Variants in CNTNAP2 observed in about 807,000 individuals in gnomAD.
CNTNAP2 encodes contactin associated protein 2, also known as contactin-associated protein-like 2.
In CNTNAP2, 98 loss-of-function variants were observed where a neutral mutation model predicts 155.2. The ratio of observed to expected loss-of-function variants is 0.63; its 90% confidence interval spans 0.54 to 0.75. CNTNAP2 has a LOEUF of 0.75. CNTNAP2 is among the 30% of genes least tolerant of loss of function. CNTNAP2 has a pLI of 0.00. For synonymous variants in CNTNAP2, 651 were observed against 631.2 expected, an observed-to-expected ratio of 1.03 and a Z score of -0.47; for missense variants, 1,727 against 1,688.1, an observed-to-expected ratio of 1.02 and a Z score of -0.40.
At chr7:146,728,706 C>T (rs965647772) in intron 1 of CNTNAP2, among the ~76,000 whole-genome samples, 1 of 151,736 alleles carries the variant, frequency 6.6e-6, no homozygotes, top group African/African-American at 2.4e-5. Flanking sequence ...GTCTGTTCTT[C>T]GAGTTGAATA....
chr7:147,116,394 G>C (rs1333348463), intron 5 of CNTNAP2, among the ~76,000 whole-genome samples: 8 of 152,170 alleles, frequency 5.3e-5, no homozygotes, highest in Non-Finnish European at 8.8e-5. Context: ...ATCGGTTTGG[G>C]CTCTCCAAGG....
chr7:147,215,934 G>A (rs1347358535), intron 8 of CNTNAP2, among the ~76,000 whole-genome samples: 1 of 152,092 alleles, frequency 6.6e-6, no homozygotes, highest in Non-Finnish European at 1.5e-5. Context: ...GTTCCCTGAT[G>A]ACATATGATG....
At chr7:146,663,049 G>A (rs939167121) in intron 1 of CNTNAP2, among the ~76,000 whole-genome samples, 15 of 152,038 alleles carry the variant, frequency 9.9e-5, no homozygotes, top group Middle Eastern at 3.2e-3. Flanking sequence ...AGGCTAAGGC[G>A]GGCGGATCAC....
intron 2 of CNTNAP2, among the ~76,000 whole-genome samples, chr7:146,827,782 T>C (rs1421543778): frequency 6.6e-6 from 1 of 152,082 alleles, no homozygotes; most frequent in Admixed American, 6.6e-5. Context: ...TTGATTTCAA[T>C]TAGAAATGCA....
intron 1 of CNTNAP2, among the ~76,000 whole-genome samples, chr7:146,458,369 T>C (rs1188261849): frequency 6.6e-6 from 1 of 152,146 alleles, no homozygotes; most frequent in Non-Finnish European, 1.5e-5. Context: ...ATTAATTTCA[T>C]TTAATAAATG....
chr7:147,881,047 T>C (rs1799511760), intron 13 of CNTNAP2, among the ~76,000 whole-genome samples: 1 of 152,154 alleles, frequency 6.6e-6, no homozygotes, highest in Admixed American at 6.6e-5. Flanking sequence ...GAAAAACTGC[T>C]GTAAGAGACA....
chr7:147,650,245 C>T (rs1434237820), intron 13 of CNTNAP2, among the ~76,000 whole-genome samples: 4 of 152,148 alleles, frequency 2.6e-5, no homozygotes, highest in African/African-American at 4.8e-5. Flanking sequence ...ATAAACTTCT[C>T]TTGGAAATAC....
chr7:146,425,452 A>C (rs182609085), intron 1 of CNTNAP2, among the ~76,000 whole-genome samples: 4 of 152,336 alleles, frequency 2.6e-5, no homozygotes, highest in African/African-American at 9.6e-5. Context: ...GAGAGCAATC[A>C]GTATTGGTAA....
intron 13 of CNTNAP2, among the ~76,000 whole-genome samples, chr7:147,853,075 A>T (rs1798977767): frequency 6.6e-6 from 1 of 152,190 alleles, no homozygotes; most frequent in Non-Finnish European, 1.5e-5. Context: ...CACAGATGGC[A>T]GTAAGGCTGT....
intron 8 of CNTNAP2, among the ~76,000 whole-genome samples, chr7:147,177,939 G>A (rs1039511671): frequency 6.6e-6 from 1 of 151,996 alleles, no homozygotes; most frequent in African/African-American, 2.4e-5. Context: ...TTACGTCTAG[G>A]CTGTATGATC....
intron 15 of CNTNAP2, among the ~76,000 whole-genome samples, chr7:148,024,587 T>A (rs1278623645): frequency 6.6e-6 from 1 of 152,200 alleles, no homozygotes; most frequent in African/African-American, 2.4e-5. Context: ...ACCCAACTTT[T>A]ACACTCACTA....
chr7:146,803,509 A>G (rs1379936871), intron 2 of CNTNAP2, among the ~76,000 whole-genome samples: 1 of 152,154 alleles, frequency 6.6e-6, no homozygotes, highest in Non-Finnish European at 1.5e-5. Flanking sequence ...GTGCATTTTC[A>G]TCTTTGAATC....
intron 1 of CNTNAP2, among the ~76,000 whole-genome samples, chr7:146,520,055 C>T (rs773961974): frequency 1.3e-5 from 2 of 151,388 alleles, no homozygotes; most frequent in Non-Finnish European, 3.0e-5. Flanking sequence ...AAAATGAATA[C>T]GAACCCACTT....
intron 3 of CNTNAP2, among the ~76,000 whole-genome samples, chr7:147,033,853 G>A (rs1056694426): frequency 1.3e-5 from 2 of 151,456 alleles, no homozygotes; most frequent in African/African-American, 4.8e-5. Context: ...CCCAAATTGG[G>A]GCTTAGCCAG....
At chr7:146,352,843 C>T (rs1450408177) in intron 1 of CNTNAP2, among the ~76,000 whole-genome samples, 3 of 145,572 alleles carry the variant, frequency 2.1e-5, no homozygotes, top group South Asian at 2.2e-4. Flanking sequence ...CAAGCTCCGC[C>T]TCCCGGGTTC....
intron 13 of CNTNAP2, among the ~76,000 whole-genome samples, chr7:147,711,353 G>A (rs186161888): frequency 3.3e-5 from 5 of 152,256 alleles, no homozygotes; most frequent in Non-Finnish European, 5.9e-5. Context: ...AGAAGAGAGA[G>A]CTCATGCATA....
intron 1 of CNTNAP2, among the ~76,000 whole-genome samples, chr7:146,755,512 A>G (rs746319651): frequency 1.3e-5 from 2 of 152,014 alleles, no homozygotes; most frequent in Non-Finnish European, 2.9e-5. Context: ...GCAAACTGCT[A>G]TGTCACCTCC....
chr7:146,426,992 G>C (rs368349586), intron 1 of CNTNAP2, among the ~76,000 whole-genome samples: 294 of 151,882 alleles, frequency 1.9e-3, no homozygotes, highest in African/African-American at 7.0e-3. Context: ...AATTTTACTT[G>C]TCAATGAAAA....
At chr7:146,900,859 T>C (rs1442495796) in intron 3 of CNTNAP2, among the ~76,000 whole-genome samples, 2 of 152,184 alleles carry the variant, frequency 1.3e-5, no homozygotes, top group Non-Finnish European at 2.9e-5. Flanking sequence ...GACCATCTTA[T>C]TCATTCACTG....
Sources: allele counts gnomAD v4.1 joint callset (sites outside exome capture counted in the v4.1 genomes callset), GRCh38; gene constraint gnomAD v4.1.1; transcripts MANE v1.5; gene names NCBI Gene and HGNC (gene_info 2026-07-23, HGNC 2026-07-21).